The following SPON1 variants were observed in gnomAD, a reference collection of about 807,000 sequenced individuals.
The protein encoded by SPON1 is spondin 1, also known as spondin-1.
Under a neutral mutation model 111.7 loss-of-function variants are expected in SPON1, and 52 were observed. That is an observed-to-expected ratio of 0.47 (90% CI 0.37 to 0.59). The LOEUF is 0.59. Among genes scored for constraint, SPON1 ranks in the 20% least tolerant of loss-of-function variants. SPON1 has a pLI of 0.00. For missense variants in SPON1, 957 were observed against 1,068.5 expected, an observed-to-expected ratio of 0.90 and a Z score of 1.46; for synonymous variants, 410 against 395.8, an observed-to-expected ratio of 1.04 and a Z score of -0.43.
At chr11:14,255,551 C>T in intron 8 of SPON1, 96 bp from the exon 9 acceptor site, 1 of 1,114,882 alleles carries the variant, frequency 9.0e-7, no homozygotes, top group Non-Finnish European at 1.3e-6. Context: ...TGTTAAATTC[C>T]TATCAAGGAC....
intron 6 of SPON1, among the ~76,000 whole-genome samples, chr11:14,215,713 G>A (rs1848619115): frequency 1.3e-5 from 2 of 152,188 alleles, no homozygotes; most frequent in South Asian, 4.1e-4. Flanking sequence ...TAGGTTATAA[G>A]TTAAGCTGTT....
chr11:14,045,571 C>T (rs1848662576), intron 3 of SPON1, among the ~76,000 whole-genome samples: 1 of 150,248 alleles, frequency 6.7e-6, no homozygotes, highest in Non-Finnish European at 1.5e-5. Context: ...GAGTGAGACT[C>T]CATCTAAAAA....
At chr11:14,265,469 C>A in intron 15 of SPON1, 55 bp from the exon 16 acceptor site, 4 of 1,551,126 alleles carry the variant, frequency 2.6e-6, no homozygotes, top group South Asian at 1.2e-5. Flanking sequence ...TAGAGTTCAG[C>A]ATCCCTGTTC....
intron 6 of SPON1, among the ~76,000 whole-genome samples, chr11:14,221,320 G>A (rs1848678249): frequency 6.6e-6 from 1 of 152,144 alleles, no homozygotes; most frequent in Non-Finnish European, 1.5e-5. Flanking sequence ...AATTCAGAAG[G>A]TAGGTAGAGT....
chr11:14,233,758 CTT>C (rs10610600), intron 6 of SPON1, among the ~76,000 whole-genome samples: 14,208 of 96,450 alleles, frequency 0.15, 638 homozygotes, highest in South Asian at 0.21. Context: ...GTTTCTTTTT[CTT>C]TTTTTTTTTT....
intron 1 of SPON1, among the ~76,000 whole-genome samples, chr11:13,977,192 A>G (rs1466842981): frequency 1.3e-5 from 2 of 152,170 alleles, no homozygotes; most frequent in Non-Finnish European, 2.9e-5. Flanking sequence ...GCACATATAT[A>G]TGCATTTCTG....
At chr11:14,053,713 C>G (rs11023067) in intron 3 of SPON1, among the ~76,000 whole-genome samples, 35,978 of 152,108 alleles carry the variant, frequency 0.24, 5,088 homozygotes, top group South Asian at 0.33. Flanking sequence ...ATAGGAAGGA[C>G]AGTAATGACT....
chr11:14,038,184 G>A (rs528050008), intron 2 of SPON1, among the ~76,000 whole-genome samples: 1 of 145,402 alleles, frequency 6.9e-6, no homozygotes, highest in East Asian at 2.1e-4. Context: ...AATAAATAAC[G>A]ACTGGGCGTG....
chr11:14,241,797 CAAAT>C (rs1438057227), intron 6 of SPON1, among the ~76,000 whole-genome samples: 2 of 152,168 alleles, frequency 1.3e-5, no homozygotes, highest in Non-Finnish European at 2.9e-5. Context: ...ACACTGTAAA[CAAAT>C]AAATATATTT....
chr11:14,124,719 A>T (rs1404199506), intron 5 of SPON1, among the ~76,000 whole-genome samples: 2 of 152,260 alleles, frequency 1.3e-5, no homozygotes, highest in Non-Finnish European at 2.9e-5. Flanking sequence ...TAGATAATAC[A>T]TAAAATATAA....
At chr11:14,121,627 G>A (rs142083129) in intron 5 of SPON1, among the ~76,000 whole-genome samples, 1 of 152,248 alleles carries the variant, frequency 6.6e-6, no homozygotes, top group African/African-American at 2.4e-5. Flanking sequence ...TACTTAAAGG[G>A]AGAAGCTCTT....
chr11:14,026,546 C>A (rs1048077711), intron 2 of SPON1, among the ~76,000 whole-genome samples: 6 of 152,186 alleles, frequency 3.9e-5, no homozygotes, highest in African/African-American at 1.4e-4. Flanking sequence ...AAATAACCCT[C>A]AGCAGAGCCT....
rs554897153 is a variant in SPON1 at position 14,196,253 on chromosome 11, C to T, written c.826-47079C>T. On this transcript the variant is annotated intron_variant, in intron 6 of 15. Coordinates refer to ENST00000576479, the MANE Select transcript of SPON1 (RefSeq NM_006108.4). Reference sequence around the variant, plus strand: ...CTGATATAGAACAGGTGCATGGAAACGTCCAGCATAGAGAAATCTACAGAA... The same window carrying T: ...CTGATATAGAACAGGTGCATGGAAATGTCCAGCATAGAGAAATCTACAGAA... Among the ~76,000 whole-genome samples, 76 of 152,234 alleles carry T rather than the reference C, an allele frequency of 5.0e-4. 1 individual carries two copies. The South Asian group carries it at 0.015, about 30-fold the overall frequency.
At chr11:14,134,778 C>T (rs1847571220) in intron 5 of SPON1, among the ~76,000 whole-genome samples, 2 of 152,232 alleles carry the variant, frequency 1.3e-5, no homozygotes, top group Non-Finnish European at 2.9e-5. Flanking sequence ...TATATCACTC[C>T]TCTGCCAGAA....
chr11:14,249,504 T>C (rs1849029856), intron 7 of SPON1, among the ~76,000 whole-genome samples: 1 of 152,212 alleles, frequency 6.6e-6, no homozygotes, highest in Admixed American at 6.5e-5. Flanking sequence ...CCTGCAGAAC[T>C]TCAGCCTAGT....
At chr11:14,132,329 A>G (rs1186470755) in intron 5 of SPON1, among the ~76,000 whole-genome samples, 1 of 152,180 alleles carries the variant, frequency 6.6e-6, no homozygotes, top group Non-Finnish European at 1.5e-5. Flanking sequence ...ATTGTAGGAA[A>G]CTAACAGCTG....
chr11:14,168,816 A>G (rs1848064092), intron 6 of SPON1, among the ~76,000 whole-genome samples: 1 of 152,248 alleles, frequency 6.6e-6, no homozygotes, highest in South Asian at 2.1e-4. Context: ...CCACGTCCCT[A>G]CGAAGGACAT....
chr11:14,137,594 G>T (rs1198273537), intron 6 of SPON1, among the ~76,000 whole-genome samples: 1 of 152,094 alleles, frequency 6.6e-6, no homozygotes, highest in Non-Finnish European at 1.5e-5. Flanking sequence ...AGAATACCAG[G>T]ACTTAAACCT....
intron 3 of SPON1, among the ~76,000 whole-genome samples, chr11:14,055,751 G>A (rs1244681295): frequency 1.3e-5 from 2 of 152,162 alleles, no homozygotes; most frequent in Non-Finnish European, 2.9e-5. Context: ...GGGCCAAACA[G>A]CAATGGTTAA....
Sources: allele counts gnomAD v4.1 joint callset (sites outside exome capture counted in the v4.1 genomes callset), GRCh38; gene constraint gnomAD v4.1.1; transcripts MANE v1.5; gene names NCBI Gene and HGNC (gene_info 2026-07-23, HGNC 2026-07-21).